Variants in RFC3 observed in about 807,000 individuals in gnomAD.
RFC3 encodes the protein A1 38 kDa subunit.
A neutral mutation model predicts 45.1 loss-of-function variants in RFC3; 41 were observed. The ratio of observed to expected loss-of-function variants is 0.91; its 90% CI spans 0.71 to 1.18. RFC3 has a LOEUF of 1.18. Among genes scored for constraint, RFC3 ranks in the 50% most tolerant of loss-of-function variants. The probability of loss-of-function intolerance (pLI) is 0.00; values close to 1 mark genes in which losing one functional copy is unlikely to be tolerated. For synonymous variants in RFC3, 149 were observed against 144.0 expected (o/e 1.03, Z -0.25); for missense variants, 423 against 428.1 (o/e 0.99, Z 0.10).
At chr13:33,943,141 A>G (rs1351328220) in intron 8 of RFC3, among the ~76,000 whole-genome samples, 1 of 152,124 alleles carries the variant, frequency 6.6e-6, no homozygotes, top group African/African-American at 2.4e-5. Context: ...TTTAGCATTC[A>G]TTTTTCATTG....
rs143254910 is a variant in RFC3, at chr13:33,873,804, G to A, written c.879+38587G>A. Among the ~76,000 whole-genome samples, 910 of 152,210 alleles carry A rather than the reference G, an allele frequency of 6.0e-3. 4 individuals carry two copies. The highest frequency in any genetic ancestry group is 6.4e-3 in the Admixed American group (98 of 15,290). On this transcript the variant is annotated intron_variant, in intron 8 of 8. Transcript: ENST00000434425. The stretch of plus-strand genomic sequence containing the variant: ...GTTCATGGCTCACAGGAAATGCTCC[G>A]GTAACTGCCTGAAATAATTACTTTG...
At chr13:33,843,734 A>G (rs1020597519) in intron 8 of RFC3, among the ~76,000 whole-genome samples, 18 of 152,170 alleles carry the variant, frequency 1.2e-4, no homozygotes, top group Admixed American at 1.0e-3. Flanking sequence ...CACTCTAATA[A>G]ATTCACAGCT....
At chr13:33,826,449 G>A (rs1333475443) in intron 4 of RFC3, among the ~76,000 whole-genome samples, 1 of 152,124 alleles carries the variant, frequency 6.6e-6, no homozygotes, top group African/African-American at 2.4e-5. Flanking sequence ...TTTAATCTTT[G>A]TCAGTTTGAG....
At chr13:33,965,427 T>C (rs201524944) in intron 8 of RFC3, among the ~76,000 whole-genome samples, 1 of 152,342 alleles carries the variant, frequency 6.6e-6, no homozygotes, top group East Asian at 1.9e-4. Context: ...CTAGGAGCTA[T>C]ACCAAATAAA....
downstream of RFC3, among the ~76,000 whole-genome samples, chr13:33,837,701 T>C (rs2082168309): frequency 6.6e-6 from 1 of 152,114 alleles, no homozygotes; most frequent in African/African-American, 2.4e-5. Flanking sequence ...ACTTTCTATG[T>C]TGTTGTCCAT....
rs2082153689 is a variant in RFC3 at position 33,836,272 on chromosome 13, G to A, written c.1048G>A (p.Gly350Arg). 1 of 1,612,804 alleles carries A rather than the reference G, an allele frequency of 6.2e-7. No homozygotes were observed. The highest frequency in any genetic ancestry group is 1.7e-5 in the Admixed American group (1 of 59,966). ...ACTTTATAAGAAGTTCATGGAGGATGGATTGGAAGGCATGATGTTCTGACT... is the reference window on the plus strand; with the variant it reads ...ACTTTATAAGAAGTTCATGGAGGATAGATTGGAAGGCATGATGTTCTGACT... ...MALYKKFMED[G>R]LEGMMF The change falls in exon 9 of 9, where the codon GGA becomes AGA. Residue 350 changes from glycine (G) to arginine (R), a missense_variant. Coordinates refer to ENST00000380071, the MANE Select transcript of RFC3 (RefSeq NM_002915.4).
intron 8 of RFC3, among the ~76,000 whole-genome samples, chr13:33,901,043 G>C (rs1265641173): frequency 1.3e-5 from 2 of 151,776 alleles, no homozygotes; most frequent in Non-Finnish European, 2.9e-5. Context: ...GACAATAATG[G>C]ATGCTGGTGA....
chr13:33,923,946 ATC>A (rs1415665175), intron 8 of RFC3, among the ~76,000 whole-genome samples: 4 of 152,128 alleles, frequency 2.6e-5, no homozygotes, highest in African/African-American at 9.6e-5. Context: ...AGCTGGAGTT[ATC>A]TCTGAAGGCT....
intron 8 of RFC3, among the ~76,000 whole-genome samples, chr13:33,894,959 G>A (rs2082588425): frequency 2.6e-5 from 4 of 152,096 alleles, no homozygotes; most frequent in African/African-American, 9.7e-5. Flanking sequence ...ACACGTAGAA[G>A]AATGAACTGG....
chr13:33,959,900 C>T (rs2083045543), intron 8 of RFC3, among the ~76,000 whole-genome samples: 1 of 152,202 alleles, frequency 6.6e-6, no homozygotes, highest in Admixed American at 6.5e-5. Context: ...GCGCCGGCAT[C>T]ACTCAGCTTC....
At chr13:33,840,527 G>A (rs2082189917), downstream of RFC3, among the ~76,000 whole-genome samples, 1 of 151,358 alleles carries the variant, frequency 6.6e-6, no homozygotes, top group Non-Finnish European at 1.5e-5. Context: ...AATTTGGATT[G>A]GATTCTGGCT....
intron 8 of RFC3, among the ~76,000 whole-genome samples, chr13:33,937,161 A>G (rs2082891901): frequency 6.6e-6 from 1 of 152,164 alleles, no homozygotes; most frequent in South Asian, 2.1e-4. Flanking sequence ...TAAGATTACA[A>G]TACCATATGT....
intron 8 of RFC3, among the ~76,000 whole-genome samples, chr13:33,895,667 C>T (rs59104592): frequency 6.6e-6 from 1 of 152,090 alleles, no homozygotes; most frequent in Non-Finnish European, 1.5e-5. Flanking sequence ...TATCTATACA[C>T]AGGGAAAAAG....
At chr13:33,958,594 G>C (rs941670884) in intron 8 of RFC3, among the ~76,000 whole-genome samples, 29 of 152,230 alleles carry the variant, frequency 1.9e-4, no homozygotes, top group Non-Finnish European at 4.0e-4. Context: ...AAAACAGAAG[G>C]CGTTTTTCAG....
intron 4 of RFC3, among the ~76,000 whole-genome samples, chr13:33,827,476 A>G (rs2082061103): frequency 6.6e-6 from 1 of 152,228 alleles, no homozygotes; most frequent in Admixed American, 6.5e-5. Context: ...TATTAATATT[A>G]TAAGAGAAAT....
intron 8 of RFC3, among the ~76,000 whole-genome samples, chr13:33,871,488 A>G (rs2082409334): frequency 6.6e-6 from 1 of 152,190 alleles, no homozygotes; most frequent in Non-Finnish European, 1.5e-5. Context: ...GCCCTCTTCC[A>G]ACTACCCTTG....
chr13:33,852,107 A>G (rs1247306239), intron 8 of RFC3, among the ~76,000 whole-genome samples: 21 of 152,242 alleles, frequency 1.4e-4, no homozygotes, highest in Admixed American at 1.4e-3. Context: ...GTTACTTTCA[A>G]TATAAAAAGC....
In RFC3 at chr13:33,861,669, T is replaced by C. The variant is rs1442751603; in HGVS notation, c.879+26452T>C. 9.9e-5 allele frequency among the ~76,000 whole-genome samples: 14 copies of C among 140,966 alleles called. 1 individual carries two copies. The highest frequency in any genetic ancestry group is 2.6e-5 in the African/African-American group (1 of 37,922). The allele number at this position is 140,966 out of a possible 152,430, so 92.5% of individuals were successfully genotyped here. Reference sequence around the variant, plus strand: ...TCAAAAAAAAAAAAAAACGGAAAAATGATCACATTTTTGTGTTTGAAATAG... The same window carrying C: ...TCAAAAAAAAAAAAAAACGGAAAAACGATCACATTTTTGTGTTTGAAATAG... On this transcript the variant is annotated intron_variant, in intron 8 of 8. Transcript: ENST00000434425.
In RFC3 at chr13:33,886,047, A is replaced by G. The variant is rs187826779; in HGVS notation, c.879+50830A>G. Among the ~76,000 whole-genome samples, 648 of 141,200 alleles carry G rather than the reference A, an allele frequency of 4.6e-3. 5 individuals are homozygous for G. Among genetic ancestry groups the G allele is most frequent in the Non-Finnish European group, 8.3e-3 (502 of 60,498 alleles). The allele number at this position is 141,200 out of a possible 152,430, so 92.6% of individuals were successfully genotyped here. On this transcript the variant is annotated intron_variant, in intron 8 of 8. Coordinates refer to the RFC3 transcript ENST00000434425. ...AAAAAAAAGCTTAAAAAAGACATTC[A>G]AGGAGAGTCTTCTCAACTGCCTGAC...
Sources: gnomAD v4.1 joint callset for allele counts (sites outside exome capture counted in the v4.1 genomes callset) on GRCh38, gnomAD v4.1.1 for gene constraint, MANE v1.5 for transcripts, NCBI Gene and HGNC (gene_info 2026-07-23, HGNC 2026-07-21) for gene names.